Variants in AP4E1 observed in about 807,000 individuals in gnomAD.
The protein encoded by AP4E1 is adaptor related protein complex 4 subunit epsilon 1.
AP4E1 carries 56 observed loss-of-function variants against 128.2 expected under a neutral mutation model. The observed-to-expected ratio is 0.44, with a 90% CI of 0.35 to 0.55. The LOEUF (loss-of-function observed/expected upper bound fraction) is 0.55, where lower values mean the gene tolerates loss of function less well. AP4E1 is among the 20% of genes least tolerant of loss of function. The pLI is 0.00. For synonymous variants in AP4E1, 484 were observed against 473.1 expected, an observed-to-expected ratio of 1.02 and a Z score of -0.30; for missense variants, 1,324 against 1,307.7, an observed-to-expected ratio of 1.01 and a Z score of -0.19.
chr15:50,932,330 G>T (rs1254860280), intron 7 of AP4E1, among the ~76,000 whole-genome samples: 1 of 152,140 alleles, frequency 6.6e-6, no homozygotes, highest in Admixed American at 6.5e-5. Flanking sequence ...TCTAAGGACA[G>T]TACAAGGAGT....
chr15:50,908,567 C>T (rs1478561920), upstream of AP4E1: 2 of 528,082 alleles, frequency 3.8e-6, no homozygotes, highest in Non-Finnish European at 6.1e-6. Flanking sequence ...CAATCTCGAG[C>T]GAGCGGCCTT....
chr15:50,987,321 T>G (rs929220883), intron 16 of AP4E1, among the ~76,000 whole-genome samples: 1 of 152,224 alleles, frequency 6.6e-6, no homozygotes, highest in Non-Finnish European at 1.5e-5. Flanking sequence ...GCTCTGATCT[T>G]AGTTATTTCT....
intron 18 of AP4E1, 96 bp downstream of exon 18, chr15:50,997,979 C>T: frequency 1.1e-6 from 1 of 942,944 alleles, no homozygotes; most frequent in Non-Finnish European, 1.6e-6. Context: ...TTGTCATAAA[C>T]ACTAAAACGA....
intron 14 of AP4E1, among the ~76,000 whole-genome samples, chr15:50,962,263 T>C (rs1399754908): frequency 1.3e-5 from 2 of 151,908 alleles, no homozygotes; most frequent in Non-Finnish European, 2.9e-5. Context: ...AAAACAACCC[T>C]AAAATTTGTA....
At chr15:50,990,536 C>T (rs1398719437) in intron 16 of AP4E1, among the ~76,000 whole-genome samples, 1 of 151,750 alleles carries the variant, frequency 6.6e-6, no homozygotes, top group African/African-American at 2.4e-5. Flanking sequence ...CAGACGCCTG[C>T]CACCATGCCC....
chr15:51,001,854 A>T (rs535087033), intron 20 of AP4E1, among the ~76,000 whole-genome samples: 17 of 152,036 alleles, frequency 1.1e-4, no homozygotes, highest in Admixed American at 9.2e-4. Context: ...CAGAAGTGGA[A>T]TTGGTGGATT....
At chr15:50,931,470 G>A (rs953179998) in intron 7 of AP4E1, among the ~76,000 whole-genome samples, 1 of 152,158 alleles carries the variant, frequency 6.6e-6, no homozygotes, top group African/African-American at 2.4e-5. Flanking sequence ...GGAGGCTGAG[G>A]TAGGAGAATC....
At chr15:50,965,446 G>T (rs996890290) in intron 14 of AP4E1, among the ~76,000 whole-genome samples, 1 of 152,278 alleles carries the variant, frequency 6.6e-6, no homozygotes. Context: ...GCAGCAGTGG[G>T]GTGCACACAA....
chr15:50,998,018 G>T (rs2064904850), intron 18 of AP4E1, 135 bp downstream of exon 18: 1 of 675,432 alleles, frequency 1.5e-6, no homozygotes, highest in Non-Finnish European at 2.4e-6. Flanking sequence ...CAAAGTAGAA[G>T]ATTAAGGAGT....
intron 15 of AP4E1, among the ~76,000 whole-genome samples, chr15:50,974,106 C>T (rs2064519385): frequency 6.6e-6 from 1 of 152,128 alleles, no homozygotes; most frequent in African/African-American, 2.4e-5. Context: ...GCTGGGACTA[C>T]AAGCATGAGT....
chr15:51,004,336 AC>A lies in AP4E1; in HGVS notation c.*1675del, dbSNP rs1210068757. ...TCTGACAGAGAGGAAGTGCCTTCTC[AC>A]TTTGCAAAGGAATGCAGCATGTCAC... On this transcript the variant is annotated 3_prime_UTR_variant, in exon 21 of 21. Coordinates refer to ENST00000261842, the MANE Select transcript of AP4E1 (RefSeq NM_007347.5). The A allele has an allele frequency of 6.6e-6, 1 of 152,106 alleles. No homozygotes were observed. The highest frequency in any genetic ancestry group is 1.5e-5 in the Non-Finnish European group (1 of 68,026). 9.4% of individuals were successfully genotyped at this position (152,106 alleles called of 1,614,324 possible).
upstream of AP4E1, among the ~76,000 whole-genome samples, chr15:50,907,567 A>G (rs1135397): frequency 0.79 from 120,314 of 151,888 alleles, 48,212 homozygotes; most frequent in African/African-American, 0.9. Flanking sequence ...GAGTACTGAG[A>G]GCAAATTGCA....
rs16963993 is a variant in AP4E1, at chr15:50,958,251, A to G, written c.1549-241A>G. Among the ~76,000 whole-genome samples, 8,753 of 152,274 alleles carry G rather than the reference A, an allele frequency of 0.057. 302 individuals are homozygous for G. The highest frequency in any genetic ancestry group is 0.11 in the African/African-American group (4,587 of 41,542). On this transcript the variant is annotated intron_variant, in intron 13 of 20. Coordinates refer to ENST00000261842, the MANE Select transcript of AP4E1 (RefSeq NM_007347.5). Reference sequence around the variant, plus strand: ...AACAACCAACTCCAGAAGTTCAGAAACTTGTAAAGGTATGCTGCTTTATAT... The same window carrying G: ...AACAACCAACTCCAGAAGTTCAGAAGCTTGTAAAGGTATGCTGCTTTATAT...
At chr15:51,002,013 G>C (rs2064969566) in intron 20 of AP4E1, among the ~76,000 whole-genome samples, 1 of 152,116 alleles carries the variant, frequency 6.6e-6, no homozygotes, top group Admixed American at 6.6e-5. Context: ...CGAGTAGCTA[G>C]GATTACAGGT....
intron 15 of AP4E1, among the ~76,000 whole-genome samples, chr15:50,978,612 C>G (rs1252411548): frequency 1.3e-5 from 2 of 152,096 alleles, no homozygotes; most frequent in Non-Finnish European, 2.9e-5. Context: ...TATGTCTCAC[C>G]TAGAATACTT....
chr15:50,985,976 A>T (rs1245968700), intron 16 of AP4E1, among the ~76,000 whole-genome samples: 6 of 151,954 alleles, frequency 3.9e-5, no homozygotes, highest in South Asian at 2.1e-4. Context: ...TTGTATCCTC[A>T]TTTATTTCTT....
chr15:50,968,439 C>A (rs2064426578), intron 15 of AP4E1, 62 bp downstream of exon 15: 2 of 1,116,842 alleles, frequency 1.8e-6, no homozygotes, highest in South Asian at 1.4e-5. Context: ...ATATTATAGT[C>A]ATGTAAGTAA....
intron 14 of AP4E1, among the ~76,000 whole-genome samples, chr15:50,963,555 C>G (rs77830403): frequency 0.018 from 2,701 of 152,058 alleles, 99 homozygotes; most frequent in African/African-American, 0.062. Flanking sequence ...AATAAAGAAG[C>G]TGGGAAGGGT....
At chr15:50,918,290 C>T (rs1465112175) in intron 3 of AP4E1, among the ~76,000 whole-genome samples, 1 of 152,054 alleles carries the variant, frequency 6.6e-6, no homozygotes, top group Non-Finnish European at 1.5e-5. Context: ...TACCTGGGAA[C>T]CTGTTTAAAT....
Sources: allele counts gnomAD v4.1 joint callset (sites outside exome capture counted in the v4.1 genomes callset), GRCh38; gene constraint gnomAD v4.1.1; transcripts MANE v1.5; gene names NCBI Gene and HGNC (gene_info 2026-07-23, HGNC 2026-07-21).